BSN: variants seen among roughly 807,000 people sequenced by gnomAD.
The protein encoded by BSN is bassoon presynaptic cytomatrix protein.
Under a neutral mutation model 264.8 loss-of-function variants are expected in BSN, and 57 were observed. The observed-to-expected ratio is 0.22, with a 90% CI of 0.17 to 0.27. BSN has a LOEUF of 0.27. BSN is among the 10% of genes least tolerant of loss of function. BSN has a pLI of 1.00. For missense variants in BSN, 4,615 were observed against 5,232.5 expected, an observed-to-expected ratio of 0.88 and a Z score of 3.64; for synonymous variants, 2,059 against 2,137.3, an observed-to-expected ratio of 0.96 and a Z score of 1.01.
At chr3:49,606,135 C>A (rs56193137) in intron 1 of BSN, among the ~76,000 whole-genome samples, 7,054 of 21,114 alleles carry the variant, frequency 0.33, 2,669 homozygotes, top group South Asian at 0.45. Flanking sequence ...ATTATATATA[C>A]ATATATTATA....
chr3:49,605,922 A>G (rs1210114284), intron 1 of BSN, among the ~76,000 whole-genome samples: 1 of 1,286 alleles, frequency 7.8e-4, no homozygotes, highest in Non-Finnish European at 2.9e-3. Flanking sequence ...ATATAAATAG[A>G]TATAAAATCT....
At chr3:49,605,447 T>A (rs181634836) in intron 1 of BSN, among the ~76,000 whole-genome samples, 1,821 of 14,352 alleles carry the variant, frequency 0.13, 119 homozygotes, top group African/African-American at 0.15. Context: ...ATTATATATA[T>A]TATATAATAT....
intron 1 of BSN, among the ~76,000 whole-genome samples, chr3:49,565,595 C>T (rs2051746739): frequency 6.6e-6 from 1 of 152,132 alleles, no homozygotes; most frequent in Non-Finnish European, 1.5e-5. Flanking sequence ...GCTGGGATTA[C>T]AGGCGTGAGC....
At position 49,664,781 on chromosome 3, in the gene BSN, C is replaced by G. The variant is rs761297297; in HGVS notation, c.11741-18C>G. The G allele has an allele frequency of 6.2e-7, 1 of 1,613,910 alleles. No homozygotes were observed. The highest frequency in any genetic ancestry group is 2.2e-5 in the East Asian group (1 of 44,876). ...TGGCCCAATTTCCTGATGGCTCTCTCCTCTTTCTTTGTCACAGCTGTCTCT... is the reference window on the plus strand; with the variant it reads ...TGGCCCAATTTCCTGATGGCTCTCTGCTCTTTCTTTGTCACAGCTGTCTCT... On this transcript the variant is annotated intron_variant, in intron 9 of 11. Transcript: ENST00000296452.
In BSN at chr3:49,625,413, A is replaced by T; in HGVS notation, c.633+30A>T. 1 of 1,426,980 alleles carries T rather than the reference A, an allele frequency of 7.0e-7. No homozygotes were observed. Among genetic ancestry groups the T allele is most frequent in the Non-Finnish European group, 9.2e-7 (1 of 1,091,534 alleles). 88.4% of individuals were successfully genotyped at this position (1,426,980 alleles called of 1,614,324 possible). The stretch of plus-strand genomic sequence containing the variant: ...CCACTTCTGCGCCGGCTCCCCACTC[A>T]CCTGCTACCTCATTACCATACCTCC... On this transcript the variant is annotated intron_variant, in intron 2 of 11. Coordinates refer to ENST00000296452, the MANE Select transcript of BSN (RefSeq NM_003458.4). The surrounding 1 kb of genome is among the most constrained non-coding windows in gnomAD (Gnocchi z 4.4).
chr3:49,611,054 A>G (rs547486527), intron 1 of BSN, among the ~76,000 whole-genome samples: 2 of 152,278 alleles, frequency 1.3e-5, no homozygotes, highest in African/African-American at 4.8e-5. Flanking sequence ...TCTCATCAGT[A>G]TTGGGTCTGA....
chr3:49,651,781 C>T lies in BSN; in HGVS notation c.2225C>T (p.Pro742Leu), dbSNP rs1316435772. The T allele has an allele frequency of 6.2e-7, 1 of 1,613,076 alleles. No homozygotes were observed. The highest frequency in any genetic ancestry group is 2.2e-5 in the East Asian group (1 of 44,890). The change falls in exon 5 of 12, where the codon CCA (proline) becomes CTA (leucine). Residue 742 changes from proline to leucine, a missense_variant. By Grantham distance (98) the Pro-to-Leu change is moderately conservative. This residue lies in a region of BSN where 1,197 missense variants were observed against 1,348.0 expected (regional missense o/e 0.89). Coordinates refer to ENST00000296452, the MANE Select transcript of BSN (RefSeq NM_003458.4). The surrounding 1 kb of genome is among the most constrained non-coding windows in gnomAD (Gnocchi z 5.4). ...RPLLQAQGLA[P>L]SERSKPLSSG... is the part of the protein sequence containing the mutation. ...TTGCTGCAGGCCCAGGGCCTGGCCC[C>T]AAGTGAGCGGAGCAAGCCACTCTCC...
At chr3:49,560,283 G>C (rs1302957273) in intron 1 of BSN, among the ~76,000 whole-genome samples, 1 of 152,202 alleles carries the variant, frequency 6.6e-6, no homozygotes, top group African/African-American at 2.4e-5. Flanking sequence ...AGGGGAACCT[G>C]TTGCTGGAGC....
Position 49,638,534 on chromosome 3 carries a change from C to G in BSN, c.634-3734C>G, listed in dbSNP as rs1234856800. On this transcript the variant is annotated intron_variant, in intron 2 of 11. Coordinates refer to ENST00000296452, the MANE Select transcript of BSN (RefSeq NM_003458.4). This position sits in a 1 kb window ranked among gnomAD's most constrained non-coding sequence, Gnocchi z 4.3. Reference sequence around the variant, plus strand: ...TGTCCTCCTTAGGAGGCCTTGCATGCTGGGCCTGAGCCTGGGAGGGGCTGT... The same window carrying G: ...TGTCCTCCTTAGGAGGCCTTGCATGGTGGGCCTGAGCCTGGGAGGGGCTGT... Among the ~76,000 whole-genome samples, 4 of 150,948 alleles carry G rather than the reference C, an allele frequency of 2.6e-5. No individual in the cohort carries two copies. Among genetic ancestry groups the G allele is most frequent in the African/African-American group, 7.5e-5 (3 of 40,262 alleles).
chr3:49,619,706 T>C (rs1039377815), intron 1 of BSN, among the ~76,000 whole-genome samples: 1 of 152,162 alleles, frequency 6.6e-6, no homozygotes, highest in African/African-American at 2.4e-5. Context: ...GCTGGGGGTG[T>C]AGCCAACTGC....
chr3:49,647,866 C>A (rs1463098917), intron 3 of BSN, among the ~76,000 whole-genome samples: 1 of 152,230 alleles, frequency 6.6e-6, no homozygotes, highest in Non-Finnish European at 1.5e-5. Context: ...CTGTACCCTT[C>A]TTCCCCACTC....
chr3:49,601,889 C>G (rs1280343537), intron 1 of BSN, among the ~76,000 whole-genome samples: 1 of 152,170 alleles, frequency 6.6e-6, no homozygotes, highest in Non-Finnish European at 1.5e-5. Context: ...CCATCTGTTG[C>G]TTTTGCGTGG....
rs200445739 is a variant in BSN at position 49,655,940 on chromosome 3, G to A, written c.6384G>A (p.Gln2128=). ...GTGGCCCTGACCTTGTGCAGTACCA[G>A]CCCCAGCACGGGCCCGGGCTCAGTG... ...GGGGPDLVQY[Q]PQHGPGLSAP... is the part of the protein sequence containing the mutation. Residue 2128 remains glutamine, a synonymous_variant, in exon 5 of 12, where the codon CAG becomes CAA. Coordinates refer to ENST00000296452, the MANE Select transcript of BSN (RefSeq NM_003458.4). 6.8e-6 allele frequency: 11 copies of A among 1,611,094 alleles called. No homozygotes were observed. Among genetic ancestry groups the A allele is most frequent in the Non-Finnish European group, 9.3e-6 (11 of 1,179,860 alleles).
Position 49,625,350 on chromosome 3 carries a change from G to T in BSN, c.600G>T (p.Gln200His). 1 of 1,546,572 alleles carries T rather than the reference G, an allele frequency of 6.5e-7. No homozygotes were observed. The highest frequency in any genetic ancestry group is 2.0e-5 in the Admixed American group (1 of 49,756). ...AGTGTCACAACAAGGTCTGCAACCAGTGTGGGTTCAACCCCAACCCTCATC... is the reference window on the plus strand; with the variant it reads ...AGTGTCACAACAAGGTCTGCAACCATTGTGGGTTCAACCCCAACCCTCATC... ...CTQCHNKVCN[Q>H]CGFNPNPHLT... The change falls in exon 2 of 12, where the codon CAG (glutamine) becomes CAT (histidine). Residue 200 changes from glutamine to histidine, a missense_variant. Transcript: ENST00000296452. The surrounding 1 kb of genome is among the most constrained non-coding windows in gnomAD (Gnocchi z 4.4).
At position 49,656,263 on chromosome 3, in the gene BSN, T is replaced by G. The variant is rs759737746; in HGVS notation, c.6707T>G (p.Val2236Gly). 2.5e-6 allele frequency: 4 copies of G among 1,612,726 alleles called. No individual in the cohort carries two copies. Among genetic ancestry groups the G allele is most frequent in the South Asian group, 1.1e-5 (1 of 90,924 alleles). ...RPYASGGITA[V>G]PLTSLTRVPM... is the part of the protein sequence containing the mutation. Reference sequence around the variant, plus strand: ...TACGCATCTGGTGGAATCACAGCCGTGCCACTCACCAGTCTGACACGTGTG... The same window carrying G: ...TACGCATCTGGTGGAATCACAGCCGGGCCACTCACCAGTCTGACACGTGTG... The change falls in exon 5 of 12, where the codon GTG (valine) becomes GGG (glycine). Residue 2236 changes from valine (V) to glycine (G), a missense_variant. By Grantham distance (109) the Val-to-Gly change is moderately radical (BLOSUM62 -3). Coordinates refer to ENST00000296452, the MANE Select transcript of BSN (RefSeq NM_003458.4).
intron 1 of BSN, among the ~76,000 whole-genome samples, chr3:49,617,289 A>ATATATATATATATATT (rs2052267794): frequency 4.8e-4 from 3 of 6,238 alleles, no homozygotes; most frequent in South Asian, 0.067. Context: ...TACATTATAT[A>ATATATATATATATATT]TATATATATA....
chr3:49,625,488 CT>C lies in BSN; in HGVS notation c.633+107del, dbSNP rs1308206629. On this transcript the variant is annotated intron_variant, in intron 2 of 11. Transcript: ENST00000296452. The surrounding 1 kb of genome is among the most constrained non-coding windows in gnomAD (Gnocchi z 4.4). Reference sequence around the variant, plus strand: ...CAACTCTCTTTTCCTGGTCATTTCCCTTGACCACCAGCATTTGTGTCCTCCT... The same window carrying C: ...CAACTCTCTTTTCCTGGTCATTTCCCTGACCACCAGCATTTGTGTCCTCCT... 1 of 1,156,050 alleles carries C rather than the reference CT, an allele frequency of 8.7e-7. No individual in the cohort carries two copies. The highest frequency in any genetic ancestry group is 1.6e-5 in the African/African-American group (1 of 62,140). 71.6% of individuals were successfully genotyped at this position (1,156,050 alleles called of 1,614,324 possible). A position where few individuals can be genotyped will look rare whatever the true frequency, so the allele number is the denominator to read the frequency against.
chr3:49,587,043 G>A (rs891873606), intron 1 of BSN, among the ~76,000 whole-genome samples: 8 of 152,036 alleles, frequency 5.3e-5, no homozygotes, highest in African/African-American at 1.9e-4. Context: ...CCATGAATAT[G>A]GAATATTTTT....
chr3:49,591,099 G>A (rs1015547470), intron 1 of BSN, among the ~76,000 whole-genome samples: 10 of 151,902 alleles, frequency 6.6e-5, no homozygotes, highest in African/African-American at 2.4e-4. Flanking sequence ...AAGAAGCTGA[G>A]AGGAATAAAA....
Sources: gnomAD v4.1 joint callset for allele counts (sites outside exome capture counted in the v4.1 genomes callset) on GRCh38, gnomAD v4.1.1 for gene constraint, gnomAD v4.1.1 regional missense constraint, Gnocchi (gnomAD v3.1) non-coding constraint, MANE v1.5 for transcripts, NCBI Gene and HGNC (gene_info 2026-07-23, HGNC 2026-07-21) for gene names.